FBN1: variants seen among roughly 807,000 people sequenced by gnomAD.
The protein encoded by FBN1 is fibrillin-1.
Under a neutral mutation model 365.1 loss-of-function variants are expected in FBN1, and 29 were observed. The ratio of observed to expected loss-of-function variants is 0.08; its 90% CI spans 0.06 to 0.11. FBN1 has a LOEUF of 0.11. FBN1 is among the 10% of genes least tolerant of loss of function. FBN1 has a pLI of 1.00. For missense variants in FBN1, 2,476 were observed against 3,703.2 expected, an observed-to-expected ratio of 0.67 and a Z score of 8.60; for synonymous variants, 1,210 against 1,270.5, an observed-to-expected ratio of 0.95 and a Z score of 1.01.
At chr15:48,549,410 C>A (rs34883356) in intron 6 of FBN1, among the ~76,000 whole-genome samples, 9,235 of 152,260 alleles carry the variant, frequency 0.061, 466 homozygotes, top group Non-Finnish European at 0.082. Context: ...AGCAGTCCAC[C>A]TGCATGGGGC....
At position 48,432,900 on chromosome 15, in the gene FBN1, T is replaced by G. The variant is rs2229326; in HGVS notation, c.6705A>C (p.Gly2235=). The G allele has an allele frequency of 2.7e-4, 434 of 1,613,686 alleles. No individual in the cohort carries two copies. Among genetic ancestry groups the G allele is most frequent in the Non-Finnish European group, 3.6e-4 (419 of 1,179,696 alleles). The change falls in exon 55 of 66, where the codon GGA becomes GGC. Residue 2235 remains glycine (G), a synonymous_variant. Transcript: ENST00000316623. The part of the protein sequence containing the change: ...YGSYECKCPV[G]YVLREDRRMC... ...TCCTACGGTCTTCTCTGAGCACATATCCCACGGGACATTTGCATTCATATG... is the reference window on the plus strand; with the variant it reads ...TCCTACGGTCTTCTCTGAGCACATAGCCCACGGGACATTTGCATTCATATG...
At chr15:48,432,166 T>A (rs2043027477) in intron 55 of FBN1, among the ~76,000 whole-genome samples, 1 of 152,222 alleles carries the variant, frequency 6.6e-6, no homozygotes, top group Admixed American at 6.5e-5. Flanking sequence ...TGCTCTGAGC[T>A]GAGAAATTTG....
chr15:48,426,320 TG>T (rs1256492564), intron 58 of FBN1, among the ~76,000 whole-genome samples: 4 of 152,316 alleles, frequency 2.6e-5, no homozygotes, highest in Non-Finnish European at 4.4e-5. Flanking sequence ...TTTTGTTTTT[TG>T]TTTTTACATT....
chr15:48,431,653 T>C (rs1021830253), intron 55 of FBN1, among the ~76,000 whole-genome samples: 10 of 151,898 alleles, frequency 6.6e-5, no homozygotes, highest in African/African-American at 2.4e-4. Context: ...TATATTATAA[T>C]ATGATATTAT....
chr15:48,493,176 T>C (rs1427688574), intron 23 of FBN1, among the ~76,000 whole-genome samples: 1 of 152,184 alleles, frequency 6.6e-6, no homozygotes, highest in African/African-American at 2.4e-5. Context: ...TGTTCATTCA[T>C]TCATCATTCA....
At chr15:48,423,880 T>G (rs2042960557) in intron 60 of FBN1, among the ~76,000 whole-genome samples, 1 of 152,234 alleles carries the variant, frequency 6.6e-6, no homozygotes, top group South Asian at 2.1e-4. Context: ...AAATTACAGT[T>G]GCTCTTTGCA....
intron 9 of FBN1, among the ~76,000 whole-genome samples, chr15:48,525,307 G>C (rs1229029908): frequency 6.6e-6 from 1 of 152,092 alleles, no homozygotes; most frequent in Non-Finnish European, 1.5e-5. Flanking sequence ...GGCTGGTCTT[G>C]AACTCCTGAC....
At chr15:48,486,615 T>C (rs2043509290) in intron 29 of FBN1, among the ~76,000 whole-genome samples, 1 of 152,214 alleles carries the variant, frequency 6.6e-6, no homozygotes, top group African/African-American at 2.4e-5. Flanking sequence ...TTTTTTGAAA[T>C]CTTTTAGCTG....
intron 50 of FBN1, 70 bp downstream of exon 50, chr15:48,441,651 T>A: frequency 6.3e-7 from 1 of 1,592,276 alleles, no homozygotes; most frequent in Non-Finnish European, 8.6e-7. Flanking sequence ...AGCTTTGCCA[T>A]GTTTGAAAAA....
In FBN1 at chr15:48,495,452, C is replaced by T. The variant is rs559032183; in HGVS notation, c.2539+17G>A. On this transcript the variant is annotated intron_variant, in intron 21 of 65. Transcript: ENST00000316623. ...CATTGATAAACATAGAAAAATCATTCTCAGAAAGATAAATACCTATGCAGA... is the reference window on the plus strand; with the variant it reads ...CATTGATAAACATAGAAAAATCATTTTCAGAAAGATAAATACCTATGCAGA... 6.2e-7 allele frequency: 1 copy of T among 1,611,874 alleles called. No individual in the cohort carries two copies. Among genetic ancestry groups the T allele is most frequent in the Non-Finnish European group, 8.5e-7 (1 of 1,179,540 alleles).
chr15:48,626,503 G>A (rs1889883849), intron 2 of FBN1, among the ~76,000 whole-genome samples: 1 of 152,092 alleles, frequency 6.6e-6, no homozygotes, highest in South Asian at 2.1e-4. Flanking sequence ...CAGTCAACAG[G>A]CCATGGATCT....
chr15:48,528,734 T>C (rs183583793), intron 8 of FBN1, among the ~76,000 whole-genome samples: 9 of 152,278 alleles, frequency 5.9e-5, no homozygotes, highest in Middle Eastern at 3.4e-3. Flanking sequence ...CTAGGCCAAA[T>C]TGTTACATTT....
intron 42 of FBN1, 113 bp downstream of exon 42, chr15:48,462,969 C>A (rs749203350): frequency 8.5e-5 from 91 of 1,070,596 alleles, no homozygotes; most frequent in Non-Finnish European, 1.3e-4. Context: ...CGTTTTTTTC[C>A]CTGTAAAGAT....
At chr15:48,513,043 G>C (rs531079882) in intron 13 of FBN1, among the ~76,000 whole-genome samples, 1 of 152,170 alleles carries the variant, frequency 6.6e-6, no homozygotes. Context: ...GGGGGATCTT[G>C]TTAAAATATA....
At chr15:48,518,831 C>G (rs1452213710) in intron 10 of FBN1, among the ~76,000 whole-genome samples, 1 of 152,200 alleles carries the variant, frequency 6.6e-6, no homozygotes, top group Admixed American at 6.5e-5. Context: ...AGCACCAGTA[C>G]TGGAACATTT....
At chr15:48,548,061 A>G (rs2044111032) in intron 6 of FBN1, among the ~76,000 whole-genome samples, 1 of 152,214 alleles carries the variant, frequency 6.6e-6, no homozygotes. Flanking sequence ...AAGATTCCTG[A>G]CAAAAATCAG....
At chr15:48,522,712 G>T (rs2043869690) in intron 9 of FBN1, among the ~76,000 whole-genome samples, 1 of 152,114 alleles carries the variant, frequency 6.6e-6, no homozygotes, top group Non-Finnish European at 1.5e-5. Context: ...GGCTAATTTA[G>T]AAACATTTAA....
At chr15:48,561,861 A>G (rs2044224319) in intron 6 of FBN1, among the ~76,000 whole-genome samples, 1 of 152,286 alleles carries the variant, frequency 6.6e-6, no homozygotes, top group Non-Finnish European at 1.5e-5. Flanking sequence ...TTCTGGAAGA[A>G]CTATTTAGCA....
In FBN1 at chr15:48,634,857, CCACACACACACACACACA is replaced by C. The variant is rs57811526; in HGVS notation, c.164+9731_164+9748del. On this transcript the variant is annotated intron_variant, in intron 2 of 65. Coordinates refer to ENST00000316623, the MANE Select transcript of FBN1 (RefSeq NM_000138.5). ...AGAAACCAAAAAAAAAAAAAAAAAA[CCACACACACACACACACA>C]CACACACACACACACACACACACAC... 1.7e-3 allele frequency among the ~76,000 whole-genome samples: 117 copies of C among 69,174 alleles called. 2 individuals carry two copies. Among genetic ancestry groups the C allele is most frequent in the African/African-American group, 5.3e-3 (79 of 14,826 alleles). 45.4% of individuals were successfully genotyped at this position (69,174 alleles called of 152,430 possible).
Sources: allele counts gnomAD v4.1 joint callset (sites outside exome capture counted in the v4.1 genomes callset), GRCh38; gene constraint gnomAD v4.1.1; transcripts MANE v1.5; gene names NCBI Gene and HGNC (gene_info 2026-07-23, HGNC 2026-07-21).